PKP4: variants seen among roughly 807,000 people sequenced by gnomAD.
The protein encoded by PKP4 is plakophilin 4, also known as plakophilin-4.
A neutral mutation model predicts 145.1 loss-of-function variants in PKP4; 90 were observed. The observed-to-expected ratio is 0.62, with a 90% CI of 0.52 to 0.74. The LOEUF (loss-of-function observed/expected upper bound fraction) is 0.74. PKP4 is among the 30% of genes least tolerant of loss of function. PKP4 has a pLI of 0.00. For missense variants in PKP4, 1,340 were observed against 1,482.7 expected, an observed-to-expected ratio of 0.90 and a Z score of 1.58; for synonymous variants, 563 against 577.2, an observed-to-expected ratio of 0.98 and a Z score of 0.35.
rs866730483 is a variant in PKP4, at chr2:158,590,154, T to C, written c.245+12771T>C. 2.6e-5 allele frequency among the ~76,000 whole-genome samples: 4 copies of C among 152,164 alleles called. No homozygotes were observed. In the Middle Eastern group the frequency reaches 0.014, roughly 518 times the overall value. On this transcript the variant is annotated intron_variant, in intron 3 of 21. Transcript: ENST00000389759. ...GCTGTTGTGTTACTCCACAATTAAA[T>C]AGGAGAAAAACACTCTAAAACTGAA...
At chr2:158,665,051 A>G (rs1260555407) in intron 15 of PKP4, among the ~76,000 whole-genome samples, 1 of 152,242 alleles carries the variant, frequency 6.6e-6, no homozygotes, top group Non-Finnish European at 1.5e-5. Flanking sequence ...AAATATAAAC[A>G]TTATATCTAA....
At chr2:158,544,191 C>G (rs998549003) in intron 2 of PKP4, among the ~76,000 whole-genome samples, 3 of 152,070 alleles carry the variant, frequency 2.0e-5, no homozygotes, top group Non-Finnish European at 2.9e-5. Flanking sequence ...GGGCAGCCAG[C>G]CAGGTAGTGT....
At chr2:158,668,446 A>G (rs990226345) in intron 16 of PKP4, among the ~76,000 whole-genome samples, 2 of 152,228 alleles carry the variant, frequency 1.3e-5, no homozygotes, top group Admixed American at 6.5e-5. Context: ...AAGTTACTAC[A>G]TACTCAACTG....
At chr2:158,477,641 G>A (rs1280314049) in intron 1 of PKP4, among the ~76,000 whole-genome samples, 1 of 152,120 alleles carries the variant, frequency 6.6e-6, no homozygotes, top group Non-Finnish European at 1.5e-5. Context: ...TGATCAACTG[G>A]GATTAGGCTG....
intron 21 of PKP4, 24 bp from the exon 22 acceptor site, chr2:158,680,405 T>C: frequency 6.4e-7 from 1 of 1,554,438 alleles, no homozygotes; most frequent in Non-Finnish European, 8.7e-7. Context: ...CTTTTATTTA[T>C]TTGCCTTTTC....
chr2:158,535,510 A>G (rs112551644), intron 2 of PKP4, among the ~76,000 whole-genome samples: 29,731 of 152,142 alleles, frequency 0.2, 3,793 homozygotes, highest in Middle Eastern at 0.35. Flanking sequence ...CCTGGGCTCA[A>G]GCAATCCTCC....
chr2:158,562,654 T>C (rs1024457984), intron 2 of PKP4, among the ~76,000 whole-genome samples: 1 of 152,212 alleles, frequency 6.6e-6, no homozygotes, highest in African/African-American at 2.4e-5. Context: ...ACAGTAAAAA[T>C]ATATACATAT....
intron 11 of PKP4, among the ~76,000 whole-genome samples, chr2:158,646,927 CA>C (rs1374821214): frequency 6.6e-6 from 1 of 152,094 alleles, no homozygotes; most frequent in Admixed American, 6.5e-5. Flanking sequence ...CTTGAAAAGG[CA>C]AAAAATACAG....
intron 1 of PKP4, among the ~76,000 whole-genome samples, chr2:158,515,904 G>A (rs1472962746): frequency 1.3e-5 from 2 of 152,058 alleles, no homozygotes; most frequent in African/African-American, 4.8e-5. Flanking sequence ...AAATGGGCTG[G>A]GCATGATAGT....
chr2:158,636,010 G>A (rs1486934345), intron 9 of PKP4, among the ~76,000 whole-genome samples: 4 of 152,108 alleles, frequency 2.6e-5, no homozygotes, highest in South Asian at 2.1e-4. Context: ...TAAGACTGAG[G>A]AAGTTATTGA....
chr2:158,487,267 T>TA lies in PKP4; in HGVS notation c.-6+30057dup, dbSNP rs1016473336. 1.2e-4 allele frequency among the ~76,000 whole-genome samples: 19 copies of TA among 152,084 alleles called. No individual in the cohort carries two copies. The South Asian group carries it at 1.5e-3, about 12-fold the overall frequency. On this transcript the variant is annotated intron_variant, in intron 1 of 21. Coordinates refer to ENST00000389759, the MANE Select transcript of PKP4 (RefSeq NM_003628.6). ...TTTTAACTGGCACAAAGCCTTTTTT[T>TA]AAAAAAAAGCACATTTGTATAAACC...
At position 158,666,773 on chromosome 2, in the gene PKP4, G is replaced by A. The variant is rs1388767087; in HGVS notation, c.2728+210G>A. 4 of 405,932 alleles carry A rather than the reference G, an allele frequency of 9.9e-6. No homozygotes were observed. The East Asian group carries it at 1.7e-4, about 17-fold the overall frequency. The allele number at this position is 405,932 out of a possible 1,614,324, so 25.1% of individuals were successfully genotyped here. On this transcript the variant is annotated intron_variant, in intron 16 of 21. Transcript: ENST00000389759. ...ATTAATTAGTCATTGATTAGGGAAG[G>A]TAAATTTTCAGAAAGGCCAGCAATT...
chr2:158,648,462 G>A (rs2055032718), intron 11 of PKP4, among the ~76,000 whole-genome samples: 1 of 152,178 alleles, frequency 6.6e-6, no homozygotes, highest in Non-Finnish European at 1.5e-5. Flanking sequence ...GAGCTTAGTG[G>A]ACATGCCTTT....
At chr2:158,679,529 T>G (rs570602561) in intron 21 of PKP4, 1 of 152,320 alleles carries the variant, frequency 6.6e-6, no homozygotes, top group African/African-American at 2.4e-5. Context: ...TTAGAATGCA[T>G]TGAGTTCCAG....
chr2:158,618,718 A>G (rs2051894140), intron 4 of PKP4, among the ~76,000 whole-genome samples: 1 of 151,738 alleles, frequency 6.6e-6, no homozygotes, highest in Non-Finnish European at 1.5e-5. Context: ...TTTTTAGGGT[A>G]TGTTTCTCTT....
rs1046204808 is a variant in PKP4, at chr2:158,598,261, A to G, written c.246-4809A>G. Among the ~76,000 whole-genome samples, 3 of 152,266 alleles carry G rather than the reference A, an allele frequency of 2.0e-5. No individual in the cohort carries two copies. In the East Asian group the frequency reaches 5.8e-4, roughly 29 times the overall value. ...TATGTCTTGCTAAGAGACTAGTAAC[A>G]GTAGCTTGTGTATACTTGTGATAAA... On this transcript the variant is annotated intron_variant, in intron 3 of 21. Transcript: ENST00000389759.
intron 17 of PKP4, among the ~76,000 whole-genome samples, chr2:158,672,129 C>T (rs945884618): frequency 1.3e-5 from 2 of 152,190 alleles, no homozygotes; most frequent in African/African-American, 2.4e-5. Context: ...TGCACTTATC[C>T]GTGAAGCTAC....
chr2:158,613,030 G>C (rs939007295), intron 4 of PKP4, among the ~76,000 whole-genome samples: 1 of 152,068 alleles, frequency 6.6e-6, no homozygotes, highest in African/African-American at 2.4e-5. Flanking sequence ...ATCACCACTG[G>C]ATATAATTGT....
intron 11 of PKP4, among the ~76,000 whole-genome samples, chr2:158,651,622 G>C: frequency 6.6e-6 from 1 of 151,914 alleles, no homozygotes. Context: ...CTTCTTTCTG[G>C]CCTCTGTCCT....
Sources: allele counts gnomAD v4.1 joint callset (sites outside exome capture counted in the v4.1 genomes callset), GRCh38; gene constraint gnomAD v4.1.1; transcripts MANE v1.5; gene names NCBI Gene and HGNC (gene_info 2026-07-23, HGNC 2026-07-21).